Variants in CNTN3 observed in about 807,000 individuals in gnomAD.
The protein encoded by CNTN3 is contactin-3.
A neutral mutation model predicts 119.1 loss-of-function variants in CNTN3; 60 were observed. The ratio of observed to expected loss-of-function variants is 0.50; its 90% CI spans 0.41 to 0.62. The LOEUF is 0.62. Among genes scored for constraint, CNTN3 ranks in the 20% least tolerant of loss-of-function variants. The probability of loss-of-function intolerance (pLI) is 0.00; values close to 1 mark genes in which losing one functional copy is unlikely to be tolerated. For missense variants in CNTN3, 1,101 were observed against 1,242.4 expected (o/e 0.89, Z 1.71); for synonymous variants, 450 against 438.7 (o/e 1.03, Z -0.32).
intron 4 of CNTN3, among the ~76,000 whole-genome samples, chr3:74,452,680 GATAC>G (rs1702182908): frequency 1.5e-5 from 2 of 129,132 alleles, no homozygotes; most frequent in Non-Finnish European, 3.3e-5. Context: ...ATTATTTTGA[GATAC>G]GTCCCATCAA....
intron 4 of CNTN3, among the ~76,000 whole-genome samples, chr3:74,429,384 A>G (rs1358604816): frequency 6.6e-6 from 1 of 151,840 alleles, no homozygotes; most frequent in African/African-American, 2.4e-5. Context: ...ACAGAAATAG[A>G]CTCACAAAAA....
At chr3:74,560,606 G>T (rs1228214417) in intron 1 of CNTN3, among the ~76,000 whole-genome samples, 4 of 152,096 alleles carry the variant, frequency 2.6e-5, no homozygotes, top group Non-Finnish European at 1.5e-5. Context: ...CATTGTGGAA[G>T]ACAGTGTGGT....
At chr3:74,311,727 G>A (rs1157178051) in intron 13 of CNTN3, among the ~76,000 whole-genome samples, 2 of 152,154 alleles carry the variant, frequency 1.3e-5, no homozygotes, top group Non-Finnish European at 1.5e-5. Context: ...GGCAGGTAAG[G>A]AACTTAGAAG....
At chr3:74,366,809 A>ATATATATATATAG (rs1704206489) in intron 8 of CNTN3, among the ~76,000 whole-genome samples, 1 of 25,460 alleles carries the variant, frequency 3.9e-5, no homozygotes, top group African/African-American at 2.8e-4. Flanking sequence ...TATATATATA[A>ATATATATATATAG]CTTGCTCAGT....
chr3:74,317,198 T>A (rs928029057), intron 13 of CNTN3, among the ~76,000 whole-genome samples: 1 of 149,792 alleles, frequency 6.7e-6, no homozygotes, highest in African/African-American at 2.5e-5. Context: ...TGGTAGATCT[T>A]CCTCCATCCC....
At chr3:74,416,391 T>A (rs1701521613) in intron 5 of CNTN3, among the ~76,000 whole-genome samples, 1 of 152,176 alleles carries the variant, frequency 6.6e-6, no homozygotes, top group Non-Finnish European at 1.5e-5. Context: ...CATGTATAGA[T>A]AAGAAATAAG....
At chr3:74,532,641 G>T (rs1416927034) in intron 1 of CNTN3, among the ~76,000 whole-genome samples, 1 of 151,908 alleles carries the variant, frequency 6.6e-6, no homozygotes, top group Non-Finnish European at 1.5e-5. Flanking sequence ...GATAAAGAAA[G>T]GATTCAATTC....
At chr3:74,483,229 T>C (rs1445091910) in intron 4 of CNTN3, among the ~76,000 whole-genome samples, 1 of 152,042 alleles carries the variant, frequency 6.6e-6, no homozygotes, top group Non-Finnish European at 1.5e-5. Context: ...GGGGGAAACC[T>C]AAGGTATTCA....
intron 1 of CNTN3, among the ~76,000 whole-genome samples, chr3:74,591,187 T>C (rs1435626320): frequency 1.3e-5 from 2 of 151,952 alleles, no homozygotes; most frequent in Admixed American, 1.3e-4. Context: ...GTTGGTTTTT[T>C]TGAGGTCATG....
rs554976641 is a variant in CNTN3 at position 74,391,557 on chromosome 3, C to CTTTTTTTTTTTTTT, written c.455-20172_455-20159dup. On this transcript the variant is annotated intron_variant, in intron 5 of 22. Coordinates refer to ENST00000263665, the MANE Select transcript of CNTN3 (RefSeq NM_020872.3). ...TTAGTATTTTGTACTCCCATAGTTT[C>CTTTTTTTTTTTTTT]TTTTTTTTTTTTTTTTTTTTTTTTG... is the stretch of plus-strand genomic sequence containing the variant. Among the ~76,000 whole-genome samples the CTTTTTTTTTTTTTT allele has an allele frequency of 7.1e-4, 62 of 87,028 alleles. 3 individuals carry two copies. The highest frequency in any genetic ancestry group is 2.7e-3 in the African/African-American group (57 of 21,412). The allele number at this position is 87,028 out of a possible 152,430, so 57.1% of individuals were successfully genotyped here. A position where few individuals can be genotyped will look rare whatever the true frequency, so the allele number is the denominator to read the frequency against.
chr3:74,411,001 TAAGAG>T (rs1032264253), intron 5 of CNTN3, among the ~76,000 whole-genome samples: 75 of 152,146 alleles, frequency 4.9e-4, no homozygotes, highest in African/African-American at 1.7e-3. Flanking sequence ...ACTGATAAAA[TAAGAG>T]GAGAGACTCC....
chr3:74,595,255 C>G (rs1254588120), intron 1 of CNTN3, among the ~76,000 whole-genome samples: 2 of 151,602 alleles, frequency 1.3e-5, no homozygotes, highest in Non-Finnish European at 2.9e-5. Context: ...CCTGTTCACT[C>G]TGATGGTAGT....
At chr3:74,588,850 T>C (rs568562325) in intron 1 of CNTN3, among the ~76,000 whole-genome samples, 88 of 152,240 alleles carry the variant, frequency 5.8e-4, no homozygotes, top group African/African-American at 1.7e-3. Context: ...AAACAAGCAA[T>C]GGGGAAAGGA....
chr3:74,366,939 TTA>T (rs1704209304), intron 8 of CNTN3, among the ~76,000 whole-genome samples: 2 of 148,958 alleles, frequency 1.3e-5, no homozygotes, highest in East Asian at 4.0e-4. Context: ...CATCAGCCTC[TTA>T]TAGAGACCCG....
At position 74,508,800 on chromosome 3, in the gene CNTN3, A is replaced by G. The variant is rs1307549368; in HGVS notation, c.56-9015T>C. ...TCCCCAATTTGATAAGCTTTGGTCT[A>G]GAAACCTTCTCTCCTGCCACCAGTG... On this transcript the variant is annotated intron_variant, in intron 2 of 22. Transcript: ENST00000263665. Among the ~76,000 whole-genome samples, 4 of 152,298 alleles carry G rather than the reference A, an allele frequency of 2.6e-5. No individual in the cohort carries two copies. In the South Asian group the frequency reaches 8.3e-4, roughly 32 times the overall value.
rs530434931 is a variant in CNTN3, at chr3:74,295,217, A to C, written c.2421T>G (p.Ser807=). ...SAEEEPTVAP[S]QVSANSLSSS... is the part of the protein sequence containing the mutation. Reference sequence around the variant, plus strand: ...AAGATAGGCTATTTGCAGAGACTTGAGATGGGGCCACTGTAGGCTCTGTTC... The same window carrying C: ...AAGATAGGCTATTTGCAGAGACTTGCGATGGGGCCACTGTAGGCTCTGTTC... Residue 807 remains serine (S), a synonymous_variant, in exon 19 of 23, where the codon TCT becomes TCG. Transcript: ENST00000263665. 6.2e-7 allele frequency: 1 copy of C among 1,608,620 alleles called. No individual in the cohort carries two copies. The highest frequency in any genetic ancestry group is 1.1e-5 in the South Asian group (1 of 90,926).
At chr3:74,280,777 G>A (rs958105722) in intron 20 of CNTN3, among the ~76,000 whole-genome samples, 2 of 152,214 alleles carry the variant, frequency 1.3e-5, no homozygotes, top group Non-Finnish European at 2.9e-5. Flanking sequence ...TGACACTCCG[G>A]CTAAGGCAGG....
chr3:74,586,587 T>C (rs1220287599), intron 1 of CNTN3, among the ~76,000 whole-genome samples: 1 of 152,122 alleles, frequency 6.6e-6, no homozygotes, highest in Non-Finnish European at 1.5e-5. Context: ...CATTGGTTTT[T>C]AGTTACTTCC....
chr3:74,465,313 GCAA>G (rs1259177657), intron 4 of CNTN3, among the ~76,000 whole-genome samples: 3 of 152,098 alleles, frequency 2.0e-5, no homozygotes, highest in Non-Finnish European at 4.4e-5. Context: ...ACAGGTAGAA[GCAA>G]CAACAACAAC....
Sources: allele counts gnomAD v4.1 joint callset (sites outside exome capture counted in the v4.1 genomes callset), GRCh38; gene constraint gnomAD v4.1.1; transcripts MANE v1.5; gene names NCBI Gene and HGNC (gene_info 2026-07-23, HGNC 2026-07-21).